ANKRD45: variants seen among roughly 807,000 people sequenced by gnomAD.
The protein encoded by ANKRD45 is ankyrin repeat domain-containing protein 45.
ANKRD45 carries 21 observed loss-of-function variants against 28.1 expected under a neutral mutation model. The observed-to-expected ratio is 0.75, with a 90% CI of 0.53 to 1.08. The LOEUF (loss-of-function observed/expected upper bound fraction) is 1.08. Among genes scored for constraint, ANKRD45 ranks in the 50% least tolerant of loss-of-function variants. The pLI is 0.00. For synonymous variants in ANKRD45, 86 were observed against 103.9 expected (o/e 0.83, Z 1.05); for missense variants, 261 against 308.7 (o/e 0.85, Z 1.16).
At chr1:173,617,713 G>A (rs1287481898) in intron 5 of ANKRD45, among the ~76,000 whole-genome samples, 1 of 152,220 alleles carries the variant, frequency 6.6e-6, no homozygotes, top group Non-Finnish European at 1.5e-5. Context: ...TGGCTCCGGA[G>A]AGTCCAGGCA....
chr1:173,616,237 C>A (rs998574297), intron 5 of ANKRD45, among the ~76,000 whole-genome samples: 1 of 152,028 alleles, frequency 6.6e-6, no homozygotes, highest in Admixed American at 6.5e-5. Flanking sequence ...GAGGCCACCA[C>A]GAAAGGCAAC....
chr1:173,624,385 C>G (rs971281982), intron 5 of ANKRD45, among the ~76,000 whole-genome samples: 2 of 151,692 alleles, frequency 1.3e-5, no homozygotes, highest in East Asian at 3.9e-4. Flanking sequence ...CCCAGCTACT[C>G]AGGAAGCAGG....
chr1:173,644,050 TTCTAA>T (rs1426601266), intron 3 of ANKRD45, among the ~76,000 whole-genome samples: 1 of 152,214 alleles, frequency 6.6e-6, no homozygotes, highest in Non-Finnish European at 1.5e-5. Flanking sequence ...TATACATTTA[TTCTAA>T]TGGTGAACTG....
upstream of ANKRD45, among the ~76,000 whole-genome samples, chr1:173,674,710 G>A (rs1465162825): frequency 6.6e-6 from 1 of 152,176 alleles, no homozygotes; most frequent in Non-Finnish European, 1.5e-5. Context: ...TCCAAAGGAG[G>A]CAATCAGATA....
At position 173,636,678 on chromosome 1, in the gene ANKRD45, A is replaced by C. The variant is rs1668459017; in HGVS notation, c.497-9519T>G. On this transcript the variant is annotated intron_variant, in intron 3 of 5. Coordinates refer to ENST00000333279, the MANE Select transcript of ANKRD45 (RefSeq NM_198493.3). ...CTTACTTCTATAGTAACCTTCCTTT[A>C]GTATAAATAATTGATGTGTGCTGTT... The C allele has an allele frequency of 1.5e-5, 9 of 617,418 alleles. No individual in the cohort carries two copies. In the South Asian group the frequency reaches 1.8e-4, roughly 12 times the overall value. 38.2% of individuals were successfully genotyped at this position (617,418 alleles called of 1,614,324 possible).
the ANKRD45 span, among the ~76,000 whole-genome samples, chr1:173,677,622 G>A: frequency 6.6e-6 from 1 of 152,126 alleles, no homozygotes; most frequent in Non-Finnish European, 1.5e-5. Flanking sequence ...CCTCTATGGG[G>A]CCTGAAGATG....
chr1:173,688,423 C>T, the ANKRD45 span, among the ~76,000 whole-genome samples: 1 of 110,906 alleles, frequency 9.0e-6, no homozygotes, highest in African/African-American at 4.0e-5. Flanking sequence ...TCTCTCTCTG[C>T]CTCTTCCTCT....
At chr1:173,671,716 C>A (rs60096224), upstream of ANKRD45, among the ~76,000 whole-genome samples, 580 of 128,790 alleles carry the variant, frequency 4.5e-3, 3 homozygotes, top group African/African-American at 0.016. Context: ...TAAAAAATAC[C>A]AAAAAAAAAA....
At chr1:173,622,439 G>T (rs929627019) in intron 5 of ANKRD45, among the ~76,000 whole-genome samples, 1 of 152,094 alleles carries the variant, frequency 6.6e-6, no homozygotes, top group Non-Finnish European at 1.5e-5. Context: ...AAACAGCATG[G>T]TATTGGTACA....
intron 2 of ANKRD45, among the ~76,000 whole-genome samples, chr1:173,651,553 G>A (rs1669223592): frequency 6.6e-6 from 1 of 152,106 alleles, no homozygotes; most frequent in Non-Finnish European, 1.5e-5. Context: ...TTGGCTTTTT[G>A]CTTAGGATTG....
At chr1:173,703,006 A>G in the ANKRD45 span, among the ~76,000 whole-genome samples, 1 of 151,946 alleles carries the variant, frequency 6.6e-6, no homozygotes, top group Admixed American at 6.6e-5. Flanking sequence ...GATTACAAGC[A>G]TGAACCACCA....
chr1:173,673,323 G>A (rs1327170234), upstream of ANKRD45, among the ~76,000 whole-genome samples: 2 of 151,974 alleles, frequency 1.3e-5, no homozygotes, highest in East Asian at 3.9e-4. Flanking sequence ...ATGTTGGGCA[G>A]GCTGGTCTCG....
intron 3 of ANKRD45, among the ~76,000 whole-genome samples, chr1:173,640,615 C>T (rs1254860754): frequency 6.6e-6 from 1 of 152,178 alleles, no homozygotes; most frequent in Non-Finnish European, 1.5e-5. Flanking sequence ...GTCTGACTCA[C>T]CTCAGACCAT....
chr1:173,613,516 CCCCCGCCCGGCCAGCCGCCCCG>C (rs1667298643), intron 5 of ANKRD45, among the ~76,000 whole-genome samples: 1 of 147,128 alleles, frequency 6.8e-6, no homozygotes, highest in African/African-American at 2.5e-5. Context: ...GGGGGCTCAG[CCCCCGCCCGGCCAGCCGCCCCG>C]TCCGGGAGGG....
At chr1:173,674,457 A>C (rs1249692456), upstream of ANKRD45, among the ~76,000 whole-genome samples, 1 of 152,194 alleles carries the variant, frequency 6.6e-6, no homozygotes, top group Non-Finnish European at 1.5e-5. Context: ...ATGCACGCCC[A>C]TGACACAGCC....
At chr1:173,699,469 C>T in the ANKRD45 span, among the ~76,000 whole-genome samples, 1 of 152,130 alleles carries the variant, frequency 6.6e-6, no homozygotes, top group African/African-American at 2.4e-5. Flanking sequence ...AAAACCTTAT[C>T]CACCAAGATC....
chr1:173,668,903 T>C (rs970746620), intron 1 of ANKRD45, among the ~76,000 whole-genome samples: 3 of 152,250 alleles, frequency 2.0e-5, no homozygotes, highest in African/African-American at 7.2e-5. Context: ...GGCATTGCTT[T>C]AGTCTTGATT....
intron 3 of ANKRD45, chr1:173,635,513 CAAA>C (rs1316444926): frequency 6.7e-7 from 1 of 1,481,608 alleles, no homozygotes; most frequent in South Asian, 1.3e-5. Context: ...TTTCAATTGA[CAAA>C]GAAGGATGTC....
intron 2 of ANKRD45, chr1:173,657,616 CT>C (rs1462890143): frequency 3.7e-5 from 3 of 80,740 alleles, no homozygotes; most frequent in Non-Finnish European, 5.8e-5. Flanking sequence ...TATTTTCTTT[CT>C]TCTTCTTCTT....
Sources: allele counts gnomAD v4.1 joint callset (sites outside exome capture counted in the v4.1 genomes callset), GRCh38; gene constraint gnomAD v4.1.1; transcripts MANE v1.5; gene names NCBI Gene and HGNC (gene_info 2026-07-23, HGNC 2026-07-21).